Variants in DNAH14 observed in about 807,000 individuals in gnomAD.
DNAH14 encodes the protein axonemal beta dynein heavy chain 14.
Under a neutral mutation model 520.9 loss-of-function variants are expected in DNAH14, and 478 were observed. The observed-to-expected ratio is 0.92, with a 90% CI of 0.85 to 0.99. DNAH14 has a LOEUF of 0.99. Among genes scored for constraint, DNAH14 ranks in the 50% least tolerant of loss-of-function variants. The pLI, the probability that DNAH14 is intolerant of heterozygous loss-of-function variation, is 0.00. For synonymous variants in DNAH14, 1,581 were observed against 1,757.2 expected, an observed-to-expected ratio of 0.90 and a Z score of 2.51; for missense variants, 4,831 against 5,234.5, an observed-to-expected ratio of 0.92 and a Z score of 2.38.
At chr1:225,326,646 A>T (rs1464786141) in intron 64 of DNAH14, among the ~76,000 whole-genome samples, 1 of 152,184 alleles carries the variant, frequency 6.6e-6, no homozygotes, top group Non-Finnish European at 1.5e-5. Context: ...AGAAAAAAAA[A>T]TTCTTCAAAA....
At chr1:225,213,868 C>CT (rs1400159596) in intron 41 of DNAH14, among the ~76,000 whole-genome samples, 4 of 152,174 alleles carry the variant, frequency 2.6e-5, no homozygotes, top group Non-Finnish European at 4.4e-5. Context: ...GATAATTTGA[C>CT]TTCCTCTTTT....
chr1:224,974,642 A>G (rs932059943), intron 8 of DNAH14, among the ~76,000 whole-genome samples: 1 of 152,166 alleles, frequency 6.6e-6, no homozygotes, highest in Non-Finnish European at 1.5e-5. Flanking sequence ...GGGCATTGAC[A>G]ATGATATATA....
intron 38 of DNAH14, among the ~76,000 whole-genome samples, chr1:225,195,922 TGTAAA>T (rs773706383): frequency 1.3e-5 from 2 of 152,104 alleles, no homozygotes; most frequent in Admixed American, 6.6e-5. Context: ...CACAAACTTT[TGTAAA>T]GTAATCTAAT....
chr1:224,954,162 T>C (rs2060356712), intron 2 of DNAH14, among the ~76,000 whole-genome samples: 1 of 151,248 alleles, frequency 6.6e-6, no homozygotes, highest in African/African-American at 2.4e-5. Context: ...AAGGGGAAAA[T>C]TTTCAAGATG....
intron 11 of DNAH14, among the ~76,000 whole-genome samples, chr1:225,034,515 T>TTTTGTGTG: frequency 6.8e-6 from 1 of 147,816 alleles, no homozygotes; most frequent in East Asian, 2.0e-4. Flanking sequence ...TGGCTTGAAT[T>TTTTGTGTG]TGTGTGTGTG....
At chr1:225,065,769 T>C (rs1380872378) in intron 17 of DNAH14, among the ~76,000 whole-genome samples, 3 of 152,120 alleles carry the variant, frequency 2.0e-5, no homozygotes. Context: ...CATTCATCTG[T>C]TGATAGACAC....
chr1:225,074,669 G>C (rs544557365), intron 17 of DNAH14, among the ~76,000 whole-genome samples: 3 of 152,270 alleles, frequency 2.0e-5, no homozygotes, highest in African/African-American at 7.2e-5. Flanking sequence ...AACAGATAAG[G>C]GACCTGCTTA....
chr1:225,329,208 T>C (rs146179985), intron 64 of DNAH14, among the ~76,000 whole-genome samples: 1 of 152,206 alleles, frequency 6.6e-6, no homozygotes, highest in Non-Finnish European at 1.5e-5. Context: ...AGGCTGAGAC[T>C]TCATGACAGC....
intron 54 of DNAH14, among the ~76,000 whole-genome samples, chr1:225,289,249 A>G (rs2093812766): frequency 6.6e-6 from 1 of 152,156 alleles, no homozygotes; most frequent in African/African-American, 2.4e-5. Context: ...TAGGCAAATC[A>G]ATAGAGATGA....
chr1:225,209,015 C>A (rs2087975036), intron 41 of DNAH14, among the ~76,000 whole-genome samples: 1 of 152,068 alleles, frequency 6.6e-6, no homozygotes, highest in African/African-American at 2.4e-5. Flanking sequence ...AACATTAGAT[C>A]TTTTACATTT....
chr1:225,255,907 G>C (rs920830312), intron 44 of DNAH14, among the ~76,000 whole-genome samples: 2 of 152,042 alleles, frequency 1.3e-5, no homozygotes, highest in African/African-American at 4.8e-5. Flanking sequence ...AGACCTTCTA[G>C]AAATGAAAAA....
In DNAH14 at chr1:225,050,344, C is replaced by G. The variant is rs772021968; in HGVS notation, c.2047C>G (p.Leu683Val). 6.5e-7 allele frequency: 1 copy of G among 1,545,772 alleles called. No individual in the cohort carries two copies. Among genetic ancestry groups the G allele is most frequent in the South Asian group, 1.2e-5 (1 of 81,708 alleles). The change falls in exon 16 of 86, where the codon CTT (leucine) becomes GTT (valine). Residue 683 changes from leucine to valine, a missense_variant. Coordinates refer to ENST00000682510, the MANE Select transcript of DNAH14 (RefSeq NM_001367479.1). ...EQTRWPDCHI[L>V]FETDPAYQNI... ...GACCAGATGGCCAGATTGTCACATC[C>G]TTTTTGAAACAGATCCTGCCTACCA...
At chr1:225,220,774 A>T (rs879729717) in intron 41 of DNAH14, among the ~76,000 whole-genome samples, 3 of 152,194 alleles carry the variant, frequency 2.0e-5, no homozygotes, top group Non-Finnish European at 4.4e-5. Context: ...GCTACAATTG[A>T]TTTTCTTCAC....
intron 11 of DNAH14, among the ~76,000 whole-genome samples, chr1:225,035,875 GGTTT>G (rs1389537170): frequency 2.0e-5 from 3 of 152,156 alleles, no homozygotes; most frequent in East Asian, 1.9e-4. Flanking sequence ...TTAAGTCTGA[GGTTT>G]GTTTGTTGAT....
intron 8 of DNAH14, among the ~76,000 whole-genome samples, chr1:224,991,784 T>C (rs1475514253): frequency 6.6e-6 from 1 of 152,232 alleles, no homozygotes; most frequent in Non-Finnish European, 1.5e-5. Context: ...ACATTTTCTT[T>C]ATCCAGTCTA....
At chr1:225,017,938 G>A (rs1459963561) in intron 10 of DNAH14, among the ~76,000 whole-genome samples, 1 of 152,178 alleles carries the variant, frequency 6.6e-6, no homozygotes, top group African/African-American at 2.4e-5. Flanking sequence ...AACTTCAAAG[G>A]ATAAAGGAAC....
At chr1:225,064,548 T>G (rs1174047520) in intron 17 of DNAH14, among the ~76,000 whole-genome samples, 1 of 150,316 alleles carries the variant, frequency 6.7e-6, no homozygotes, top group East Asian at 2.0e-4. Flanking sequence ...TAAGAAAAAT[T>G]TGATATATTC....
At chr1:225,007,261 T>G (rs1329333924) in intron 9 of DNAH14, among the ~76,000 whole-genome samples, 152 bp from the exon 10 acceptor site, 1 of 152,192 alleles carries the variant, frequency 6.6e-6, no homozygotes, top group Non-Finnish European at 1.5e-5. Flanking sequence ...AACAAGTGTT[T>G]AAATTTGAAA....
intron 5 of DNAH14, among the ~76,000 whole-genome samples, chr1:224,965,246 C>A (rs2061090757): frequency 6.6e-6 from 1 of 151,928 alleles, no homozygotes; most frequent in Non-Finnish European, 1.5e-5. Flanking sequence ...AATGTGGTCC[C>A]CAGGCAAGCA....
Sources: gnomAD v4.1 joint callset for allele counts (sites outside exome capture counted in the v4.1 genomes callset) on GRCh38, gnomAD v4.1.1 for gene constraint, MANE v1.5 for transcripts, NCBI Gene and HGNC (gene_info 2026-07-23, HGNC 2026-07-21) for gene names.